DPYSL4: variants seen among roughly 807,000 people sequenced by gnomAD.
DPYSL4 encodes dihydropyrimidinase like 4, also known as dihydropyrimidinase-related protein 4.
Under a neutral mutation model 63.4 loss-of-function variants are expected in DPYSL4, and 43 were observed. The observed-to-expected ratio is 0.68, with a 90% CI of 0.53 to 0.88. The LOEUF (loss-of-function observed/expected upper bound fraction) is 0.88, where lower values mean the gene tolerates loss of function less well. DPYSL4 is among the 40% of genes least tolerant of loss of function. DPYSL4 has a pLI of 0.00. For synonymous variants in DPYSL4, 353 were observed against 331.7 expected (o/e 1.06, Z -0.70); for missense variants, 733 against 819.5 (o/e 0.89, Z 1.29).
chr10:132,188,920 A>G (rs547406752), intron 1 of DPYSL4, among the ~76,000 whole-genome samples: 8 of 152,336 alleles, frequency 5.3e-5, no homozygotes, highest in Admixed American at 1.3e-4. Flanking sequence ...TAGTCTGCCA[A>G]CCGTTTGTAG....
chr10:132,199,693 GGGT>G (rs1207265255), intron 8 of DPYSL4, among the ~76,000 whole-genome samples: 5 of 138,876 alleles, frequency 3.6e-5, no homozygotes, highest in South Asian at 2.7e-4. Flanking sequence ...GTGGGGGGCG[GGGT>G]GGTGGTGGTG....
intron 13 of DPYSL4, 121 bp downstream of exon 13, chr10:132,204,048 C>A: frequency 7.6e-7 from 1 of 1,311,600 alleles, no homozygotes; most frequent in Non-Finnish European, 1.1e-6. Flanking sequence ...CAGCTGGGGA[C>A]TGGGGCAGGA....
rs760437252 is a variant in DPYSL4 at position 132,203,806 on chromosome 10, C to T, written c.1506C>T (p.Pro502=). The change falls in exon 13 of 14, where the codon CCC becomes CCT. Residue 502 remains proline, a synonymous_variant. Transcript: ENST00000338492. ...HGVPRGLYDG[P]VHEVMVPAKP... ...TGCCCCGTGGACTGTATGACGGGCC[C>T]GTCCACGAGGTGATGGTGCCTGCCA... 8.7e-6 allele frequency: 14 copies of T among 1,612,392 alleles called. No homozygotes were observed. The highest frequency in any genetic ancestry group is 5.5e-5 in the South Asian group (5 of 91,050).
At chr10:132,197,703 CCA>C (rs1473821669) in intron 6 of DPYSL4, among the ~76,000 whole-genome samples, 4 of 152,236 alleles carry the variant, frequency 2.6e-5, no homozygotes, top group East Asian at 1.9e-4. Context: ...CACTGCAAAC[CCA>C]CAGTGAGACT....
At position 132,196,488 on chromosome 10, in the gene DPYSL4, G is replaced by A. The variant is rs537844974; in HGVS notation, c.479-373G>A. ...TCCCCAGCACAGCGCGGCCCTGGCC[G>A]CACTTCCAGGAGGGAGCCAGTGGAA... On this transcript the variant is annotated intron_variant, in intron 4 of 13. Transcript: ENST00000338492. Among the ~76,000 whole-genome samples, 95 of 152,054 alleles carry A rather than the reference G, an allele frequency of 6.2e-4. 1 individual carries two copies. The highest frequency in any genetic ancestry group is 1.1e-3 in the Non-Finnish European group (72 of 67,946).
Position 132,191,156 on chromosome 10 carries a change from A to G in DPYSL4, c.128+321A>G, listed in dbSNP as rs113557778. The stretch of plus-strand genomic sequence containing the variant: ...AAGTATGTTCCCACCTCTTGTGTAC[A>G]CACTGGTCACGTGGTATCCAGGCAG... On this transcript the variant is annotated intron_variant, in intron 2 of 13. Coordinates refer to ENST00000338492, the MANE Select transcript of DPYSL4 (RefSeq NM_006426.3). 2.1e-5 allele frequency among the ~76,000 whole-genome samples: 2 copies of G among 93,816 alleles called. 1 individual carries two copies. The highest frequency in any genetic ancestry group is 6.9e-5 in the African/African-American group (2 of 29,030). The allele number at this position is 93,816 out of a possible 152,430, so 61.5% of individuals were successfully genotyped here.
At chr10:132,192,402 A>C in intron 2 of DPYSL4, 1 of 1,135,884 alleles carries the variant, frequency 8.8e-7, no homozygotes. Context: ...AGTACCAACC[A>C]GGGACCTGAG....
rs542274249 is a variant in DPYSL4 at position 132,194,571 on chromosome 10, G to A, written c.314-274G>A. On this transcript the variant is annotated intron_variant, in intron 3 of 13. Transcript: ENST00000338492. ...TCCTCCAAGTGCGATGTGGGAGTAG[G>A]GATGGTTTGGGGTGGGGCTTTTCCT... 1.5e-4 allele frequency among the ~76,000 whole-genome samples: 23 copies of A among 152,058 alleles called. No individual in the cohort carries two copies. The South Asian group carries it at 4.6e-3, about 30-fold the overall frequency.
rs2062081109 is a variant in DPYSL4 at position 132,205,230 on chromosome 10, G to A, written c.*300G>A. On this transcript the variant is annotated 3_prime_UTR_variant, in exon 14 of 14. Transcript: ENST00000338492. The stretch of plus-strand genomic sequence containing the variant: ...CCCCAGTGCCCGCTGGGCCCAGCCT[G>A]GGGACAGGGAACCTGCCGGGCTCAC... 3.8e-6 allele frequency: 1 copy of A among 262,170 alleles called. No homozygotes were observed. The highest frequency in any genetic ancestry group is 1.5e-4 in the South Asian group (1 of 6,734). 16.2% of individuals were successfully genotyped at this position (262,170 alleles called of 1,614,324 possible). A position where few individuals can be genotyped will look rare whatever the true frequency, so the allele number is the denominator to read the frequency against.
At chr10:132,201,312 C>T (rs74334772) in intron 10 of DPYSL4, among the ~76,000 whole-genome samples, 4,230 of 152,212 alleles carry the variant, frequency 0.028, 110 homozygotes, top group African/African-American at 0.069. Flanking sequence ...CCCTCACGAC[C>T]CGTCGCACAC....
chr10:132,194,308 G>A (rs190654054), intron 3 of DPYSL4, among the ~76,000 whole-genome samples: 3 of 152,352 alleles, frequency 2.0e-5, no homozygotes, highest in East Asian at 1.9e-4. Context: ...AGCAGTGTTC[G>A]GGCCTTGGGT....
At chr10:132,198,562 C>A in intron 7 of DPYSL4, 79 bp downstream of exon 7, 2 of 1,415,738 alleles carry the variant, frequency 1.4e-6, no homozygotes, top group South Asian at 1.3e-5. Context: ...CTGACCCTGG[C>A]CCTGGGCTCC....
chr10:132,187,887 G>A (rs994247191), intron 1 of DPYSL4, among the ~76,000 whole-genome samples: 7 of 152,170 alleles, frequency 4.6e-5, no homozygotes, highest in African/African-American at 1.4e-4. Flanking sequence ...AGGAGGCTTC[G>A]GGACCCGGCA....
intron 10 of DPYSL4, among the ~76,000 whole-genome samples, chr10:132,201,250 C>T (rs529107822): frequency 6.6e-6 from 1 of 152,262 alleles, no homozygotes; most frequent in Non-Finnish European, 1.5e-5. Flanking sequence ...TGTGTTTGCC[C>T]AGGGGTCAGC....
intron 7 of DPYSL4, 31 bp from the exon 8 acceptor site, chr10:132,198,820 T>G: frequency 6.2e-7 from 1 of 1,611,426 alleles, no homozygotes; most frequent in African/African-American, 1.3e-5. Flanking sequence ...AGGGCCCTCG[T>G]GTGGCCTCAT....
intron 1 of DPYSL4, among the ~76,000 whole-genome samples, chr10:132,188,229 A>G (rs1402353450): frequency 2.6e-5 from 4 of 152,036 alleles, no homozygotes; most frequent in Non-Finnish European, 5.9e-5. Context: ...CTTCCCGGGA[A>G]CTTTCACCTC....
At chr10:132,201,045 G>A (rs2062010321) in intron 10 of DPYSL4, 62 bp downstream of exon 10, 3 of 1,587,134 alleles carry the variant, frequency 1.9e-6, no homozygotes, top group Non-Finnish European at 2.6e-6. Flanking sequence ...GATTGTGATG[G>A]CTGGTCAGAA....
At chr10:132,194,565 G>A (rs2061916799) in intron 3 of DPYSL4, among the ~76,000 whole-genome samples, 1 of 152,172 alleles carries the variant, frequency 6.6e-6, no homozygotes, top group Non-Finnish European at 1.5e-5. Context: ...TGCGATGTGG[G>A]AGTAGGGATG....
At position 132,202,735 on chromosome 10, in the gene DPYSL4, G is replaced by C; in HGVS notation, c.1371G>C (p.Gly457=). ...ISQGRVALED[G]KMFVTPGAGR... is the part of the protein sequence containing the mutation. ...AGGGCCGAGTGGCGCTGGAGGACGG[G>C]AAGATGTTTGTCACCCCGGGGGCGG... The change falls in exon 12 of 14, where the codon GGG becomes GGC. Residue 457 remains glycine (G), a synonymous_variant. Transcript: ENST00000338492. The C allele has an allele frequency of 6.2e-7, 1 of 1,613,400 alleles. No individual in the cohort carries two copies. The highest frequency in any genetic ancestry group is 8.5e-7 in the Non-Finnish European group (1 of 1,179,982).
Sources: allele counts gnomAD v4.1 joint callset (sites outside exome capture counted in the v4.1 genomes callset), GRCh38; gene constraint gnomAD v4.1.1; transcripts MANE v1.5; gene names NCBI Gene and HGNC (gene_info 2026-07-23, HGNC 2026-07-21).